Variants in DPF3 observed in about 807,000 individuals in gnomAD.
The protein encoded by DPF3 is zinc finger protein DPF3.
In DPF3, 18 loss-of-function variants were observed where a neutral mutation model predicts 56.8. The observed-to-expected ratio is 0.32, with a 90% CI of 0.22 to 0.47. The LOEUF is 0.47. Ranked by LOEUF, DPF3 falls within the 20% of genes least tolerant of loss-of-function variation. The probability of loss-of-function intolerance (pLI) is 1.00; values close to 1 mark genes in which losing one functional copy is unlikely to be tolerated. For synonymous variants in DPF3, 188 were observed against 180.2 expected, an observed-to-expected ratio of 1.04 and a Z score of -0.35; for missense variants, 403 against 488.8, an observed-to-expected ratio of 0.82 and a Z score of 1.65.
At chr14:72,764,633 C>A (rs750992836) in intron 2 of DPF3, among the ~76,000 whole-genome samples, 26 of 151,710 alleles carry the variant, frequency 1.7e-4, no homozygotes, top group Admixed American at 6.6e-5. Context: ...GGACTACAGG[C>A]GCCCACCACG....
chr14:72,670,635 T>TCTCTCTCTCTCTCTC, intron 8 of DPF3: 1 of 933,148 alleles, frequency 1.1e-6, no homozygotes, highest in African/African-American at 1.8e-5. Flanking sequence ...TTGATTTCCC[T>TCTCTCTCTCTCTCTC]TCTCTCTCTC....
At chr14:72,628,182 C>T (rs1463605389) in intron 9 of DPF3, among the ~76,000 whole-genome samples, 2 of 152,106 alleles carry the variant, frequency 1.3e-5, no homozygotes, top group Admixed American at 1.3e-4. Context: ...GCATCCTCCC[C>T]TGGTTCCTAA....
chr14:72,745,253 C>A (rs1171685650), intron 3 of DPF3, among the ~76,000 whole-genome samples: 1 of 152,136 alleles, frequency 6.6e-6, no homozygotes, highest in African/African-American at 2.4e-5. Flanking sequence ...CAATGTTGTA[C>A]AATTTGCTTT....
intron 8 of DPF3, chr14:72,671,132 G>A: frequency 6.2e-7 from 1 of 1,613,712 alleles, no homozygotes; most frequent in South Asian, 1.1e-5. Flanking sequence ...TCTGTTCCGT[G>A]GGTTTAGCAA....
chr14:72,801,295 CA>C (rs1892881525), intron 1 of DPF3, among the ~76,000 whole-genome samples: 1 of 152,200 alleles, frequency 6.6e-6, no homozygotes, highest in African/African-American at 2.4e-5. Context: ...GGTCTTGAAA[CA>C]AGGATGTGAG....
chr14:72,859,914 G>C (rs553504270), intron 1 of DPF3, among the ~76,000 whole-genome samples: 6 of 149,506 alleles, frequency 4.0e-5, no homozygotes, highest in African/African-American at 1.5e-4. Flanking sequence ...CTAGTGCCAA[G>C]AGCTAGAATA....
At position 72,765,913 on chromosome 14, in the gene DPF3, C is replaced by CA. The variant is rs796737183; in HGVS notation, c.193+5819dup. ...TGGGCAACAAGGCGAGACTCCATCT[C>CA]AAAAAAAAACAAAAGGGAGTATACA... On this transcript the variant is annotated intron_variant, in intron 2 of 10. Transcript: ENST00000556509. 3.2e-3 allele frequency among the ~76,000 whole-genome samples: 469 copies of CA among 148,666 alleles called. 2 individuals are homozygous for CA. The highest frequency in any genetic ancestry group is 0.011 in the African/African-American group (444 of 40,560).
At chr14:72,651,960 C>A (rs1203960535) in intron 8 of DPF3, among the ~76,000 whole-genome samples, 1 of 152,200 alleles carries the variant, frequency 6.6e-6, no homozygotes, top group Non-Finnish European at 1.5e-5. Flanking sequence ...GGACTCACAG[C>A]CAGGATGGGT....
intron 1 of DPF3, among the ~76,000 whole-genome samples, chr14:72,882,419 C>A (rs1463695229): frequency 6.6e-6 from 1 of 152,208 alleles, no homozygotes; most frequent in Non-Finnish European, 1.5e-5. Context: ...ACAGGCCCTT[C>A]TCTATTCTAA....
At chr14:72,640,688 A>G (rs955922100) in intron 8 of DPF3, among the ~76,000 whole-genome samples, 4 of 152,168 alleles carry the variant, frequency 2.6e-5, no homozygotes, top group African/African-American at 9.7e-5. Flanking sequence ...TAGATGATAA[A>G]ACTGTTAGCA....
intron 8 of DPF3, among the ~76,000 whole-genome samples, chr14:72,648,277 T>C (rs1047971450): frequency 5.9e-5 from 9 of 152,186 alleles, no homozygotes; most frequent in African/African-American, 2.4e-5. Context: ...AATAAAACTA[T>C]TGCGCCAGGC....
At chr14:72,861,784 A>AAAGAAAGGAAGG (rs1885440962) in intron 1 of DPF3, among the ~76,000 whole-genome samples, 1 of 148,346 alleles carries the variant, frequency 6.7e-6, no homozygotes, top group African/African-American at 2.5e-5. Flanking sequence ...AGAAAGAAAG[A>AAAGAAAGGAAGG]AAGAAAGAAA....
chr14:72,710,101 C>T (rs950180200), intron 6 of DPF3, among the ~76,000 whole-genome samples: 1 of 152,168 alleles, frequency 6.6e-6, no homozygotes, highest in Non-Finnish European at 1.5e-5. Flanking sequence ...GTGGGTCTCT[C>T]ATCAGGAGTC....
intron 1 of DPF3, among the ~76,000 whole-genome samples, chr14:72,787,960 C>T (rs1346185110): frequency 6.6e-6 from 1 of 152,210 alleles, no homozygotes. Context: ...AAAGTGTGAG[C>T]TCCCCAGGAG....
chr14:72,764,168 A>C (rs1891169205), intron 2 of DPF3, among the ~76,000 whole-genome samples: 2 of 152,100 alleles, frequency 1.3e-5, no homozygotes, highest in African/African-American at 2.4e-5. Flanking sequence ...TTTAGCCCCA[A>C]CTCTAACTTC....
At chr14:72,759,771 T>C (rs1890992377) in intron 2 of DPF3, among the ~76,000 whole-genome samples, 2 of 151,370 alleles carry the variant, frequency 1.3e-5, no homozygotes, top group African/African-American at 2.4e-5. Flanking sequence ...AAAGAGAAAA[T>C]ATTAAAAGCA....
intron 1 of DPF3, among the ~76,000 whole-genome samples, chr14:72,881,944 G>A (rs1356686801): frequency 1.3e-5 from 2 of 149,822 alleles, no homozygotes; most frequent in African/African-American, 4.9e-5. Flanking sequence ...AGCTGGGTAA[G>A]TGAAGGGGGG....
At chr14:72,730,897 A>C (rs183896927) in intron 4 of DPF3, among the ~76,000 whole-genome samples, 161 of 152,280 alleles carry the variant, frequency 1.1e-3, no homozygotes, top group African/African-American at 3.8e-3. Context: ...AGTCAGGTGC[A>C]GTGACTCACG....
chr14:72,878,398 C>G (rs1310274741), intron 1 of DPF3, among the ~76,000 whole-genome samples: 1 of 152,166 alleles, frequency 6.6e-6, no homozygotes, highest in African/African-American at 2.4e-5. Context: ...GAAAATCATT[C>G]TCTCTCTAGG....
Sources: allele counts gnomAD v4.1 joint callset (sites outside exome capture counted in the v4.1 genomes callset), GRCh38; gene constraint gnomAD v4.1.1; transcripts MANE v1.5; gene names NCBI Gene and HGNC (gene_info 2026-07-23, HGNC 2026-07-21).